ANKRD44: variants seen among roughly 807,000 people sequenced by gnomAD.
ANKRD44 encodes the protein ankyrin repeat domain 44.
A neutral mutation model predicts 116.0 loss-of-function variants in ANKRD44; 35 were observed. The observed-to-expected ratio is 0.30, with a 90% CI of 0.23 to 0.40. The LOEUF (loss-of-function observed/expected upper bound fraction) is 0.40. ANKRD44 is among the 10% of genes least tolerant of loss of function. ANKRD44 has a pLI of 1.00. For synonymous variants in ANKRD44, 435 were observed against 461.8 expected, an observed-to-expected ratio of 0.94 and a Z score of 0.74; for missense variants, 1,014 against 1,242.6, an observed-to-expected ratio of 0.82 and a Z score of 2.77.
intron 11 of ANKRD44, among the ~76,000 whole-genome samples, chr2:197,089,140 G>C (rs1349095890): frequency 6.6e-6 from 1 of 152,174 alleles, no homozygotes; most frequent in Non-Finnish European, 1.5e-5. Flanking sequence ...TTAGCATGCT[G>C]GAACAGATTT....
chr2:197,225,050 G>A (rs2081670652), intron 1 of ANKRD44, among the ~76,000 whole-genome samples: 1 of 152,182 alleles, frequency 6.6e-6, no homozygotes, highest in South Asian at 2.1e-4. Context: ...GTGTGATGGG[G>A]AGGGAGAAAA....
At position 197,121,513 on chromosome 2, in the gene ANKRD44, G is replaced by T. The variant is rs769136788; in HGVS notation, c.725C>A (p.Ala242Glu). 3.1e-6 allele frequency: 5 copies of T among 1,614,134 alleles called. No individual in the cohort carries two copies. The highest frequency in any genetic ancestry group is 4.2e-6 in the Non-Finnish European group (5 of 1,180,020). ...TCCATTGTAGCAGGCGATGTGAAGCGCTGTATTTCCATAGACATTGATTTC... is the reference window on the plus strand; with the variant it reads ...TCCATTGTAGCAGGCGATGTGAAGCTCTGTATTTCCATAGACATTGATTTC... Reference protein sequence around the residue: ...IDEINVYGNTALHIACYNGQD... With the variant: ...IDEINVYGNTELHIACYNGQD... Residue 242 changes from alanine (A) to glutamate (E), a missense_variant, in exon 8 of 28, where the codon GCG becomes GAG. By Grantham distance (107) the Ala-to-Glu change is moderately radical (BLOSUM62 -1). Transcript: ENST00000282272.
chr2:197,171,942 C>T (rs2080244068), intron 2 of ANKRD44, among the ~76,000 whole-genome samples: 1 of 150,502 alleles, frequency 6.6e-6, no homozygotes, highest in Non-Finnish European at 1.5e-5. Flanking sequence ...ATGGAGAAAA[C>T]AATTGCCTAA....
Position 197,194,443 on chromosome 2 carries a change from T to C in ANKRD44, c.28-7337A>G, listed in dbSNP as rs147721525. On this transcript the variant is annotated intron_variant, in intron 1 of 27. Coordinates refer to ENST00000282272, the MANE Select transcript of ANKRD44 (RefSeq NM_001195144.2). ...ACACCTTTCTTTTGTGATCTCCTGATAGACACAAAGGAAATGAATTCCCTG... is the reference window on the plus strand; with the variant it reads ...ACACCTTTCTTTTGTGATCTCCTGACAGACACAAAGGAAATGAATTCCCTG... Among the ~76,000 whole-genome samples, 253 of 152,342 alleles carry C rather than the reference T, an allele frequency of 1.7e-3. 1 individual carries two copies. Among genetic ancestry groups the C allele is most frequent in the African/African-American group, 5.8e-3 (243 of 41,578 alleles).
intron 2 of ANKRD44, among the ~76,000 whole-genome samples, chr2:197,155,434 T>G (rs2079785736): frequency 6.6e-6 from 1 of 152,072 alleles, no homozygotes; most frequent in Non-Finnish European, 1.5e-5. Flanking sequence ...CTAAATACTC[T>G]AGACCCAAGG....
rs2075845615 is a variant in ANKRD44 at position 196,987,019 on chromosome 2, T to C, written c.*2572A>G. ...TATCATCGTGCTTTACAAAGATATA[T>C]TGCACATGCTAGAGCATAAAATATG... On this transcript the variant is annotated 3_prime_UTR_variant, in exon 28 of 28. Transcript: ENST00000282272. The C allele has an allele frequency of 2.0e-6, 2 of 985,162 alleles. No individual in the cohort carries two copies. The highest frequency in any genetic ancestry group is 1.2e-6 in the Non-Finnish European group (1 of 829,796). The allele number at this position is 985,162 out of a possible 1,614,324, so 61.0% of individuals were successfully genotyped here.
At chr2:197,272,280 C>T (rs1451049396) in intron 1 of ANKRD44, among the ~76,000 whole-genome samples, 1 of 152,078 alleles carries the variant, frequency 6.6e-6, no homozygotes, top group African/African-American at 2.4e-5. Flanking sequence ...ACTCTGTCAC[C>T]CAGGCTGGAG....
chr2:197,206,350 G>A (rs772732388), intron 1 of ANKRD44, among the ~76,000 whole-genome samples: 42 of 152,206 alleles, frequency 2.8e-4, no homozygotes, highest in Non-Finnish European at 3.7e-4. Flanking sequence ...CACTGTTAGC[G>A]CTCTGCTAGG....
intron 2 of ANKRD44, among the ~76,000 whole-genome samples, chr2:197,162,553 T>C (rs571167192): frequency 3.3e-5 from 5 of 152,252 alleles, no homozygotes; most frequent in African/African-American, 1.2e-4. Flanking sequence ...CCAAGGACAT[T>C]AGACATAAGG....
At chr2:197,071,804 A>G (rs2077564550) in intron 16 of ANKRD44, among the ~76,000 whole-genome samples, 1 of 152,174 alleles carries the variant, frequency 6.6e-6, no homozygotes. Context: ...GTCTCCCACT[A>G]TAATTGTGTA....
At chr2:197,199,881 T>C (rs2081054401) in intron 1 of ANKRD44, among the ~76,000 whole-genome samples, 1 of 152,230 alleles carries the variant, frequency 6.6e-6, no homozygotes, top group African/African-American at 2.4e-5. Flanking sequence ...CCATAACATA[T>C]TCAATTATTC....
chr2:197,091,956 G>A (rs546101602), intron 10 of ANKRD44, among the ~76,000 whole-genome samples: 8 of 152,046 alleles, frequency 5.3e-5, no homozygotes, highest in South Asian at 2.1e-4. Context: ...TTTATAGACC[G>A]ACCCCCACTA....
At chr2:197,087,928 G>A (rs1418600387) in intron 12 of ANKRD44, among the ~76,000 whole-genome samples, 1 of 152,102 alleles carries the variant, frequency 6.6e-6, no homozygotes, top group African/African-American at 2.4e-5. Context: ...TGTAAATAAG[G>A]AGCCCTAAAG....
chr2:197,151,280 A>G (rs1481760973), intron 2 of ANKRD44, among the ~76,000 whole-genome samples: 2 of 152,236 alleles, frequency 1.3e-5, no homozygotes, highest in African/African-American at 2.4e-5. Flanking sequence ...AGCCTAAGCC[A>G]TAAGACTCAC....
At chr2:197,135,059 A>C (rs994968902) in intron 4 of ANKRD44, 2 of 152,180 alleles carry the variant, frequency 1.3e-5, no homozygotes, top group African/African-American at 4.8e-5. Context: ...GGATATTTGG[A>C]AGGAGAACAC....
intron 1 of ANKRD44, among the ~76,000 whole-genome samples, chr2:197,241,624 A>T (rs548714595): frequency 6.6e-5 from 10 of 152,166 alleles, no homozygotes; most frequent in East Asian, 3.9e-4. Context: ...TGTAAAATTT[A>T]AAAAAAACAT....
intron 16 of ANKRD44, among the ~76,000 whole-genome samples, chr2:197,046,615 C>A (rs925146530): frequency 2.1e-5 from 3 of 144,938 alleles, no homozygotes; most frequent in Non-Finnish European, 4.5e-5. Flanking sequence ...CACTGCACTC[C>A]AGCCTGGGCG....
chr2:196,981,915 T>G (rs1456387465), downstream of ANKRD44, among the ~76,000 whole-genome samples: 1 of 151,680 alleles, frequency 6.6e-6, no homozygotes, highest in African/African-American at 2.4e-5. Flanking sequence ...TCTATGACCC[T>G]TTATTTCCCA....
intron 5 of ANKRD44, 97 bp from the exon 6 acceptor site, chr2:197,125,565 T>A: frequency 8.5e-7 from 1 of 1,172,744 alleles, no homozygotes; most frequent in Non-Finnish European, 1.3e-6. Flanking sequence ...ACATGAAATC[T>A]AAAGGCAGGT....
Sources: gnomAD v4.1 joint callset for allele counts (sites outside exome capture counted in the v4.1 genomes callset) on GRCh38, gnomAD v4.1.1 for gene constraint, MANE v1.5 for transcripts, NCBI Gene and HGNC (gene_info 2026-07-23, HGNC 2026-07-21) for gene names.